The following APBB2 variants were observed in gnomAD, a reference collection of about 807,000 sequenced individuals.
APBB2 encodes the protein Fe65-like 1.
Under a neutral mutation model 82.5 loss-of-function variants are expected in APBB2, and 38 were observed. That is an observed-to-expected ratio of 0.46 (90% CI 0.36 to 0.60). The LOEUF (loss-of-function observed/expected upper bound fraction) is 0.60. Ranked by LOEUF, APBB2 falls within the 20% of genes least tolerant of loss-of-function variation. The pLI is 0.00. For missense variants in APBB2, 772 were observed against 972.3 expected, an observed-to-expected ratio of 0.79 and a Z score of 2.74; for synonymous variants, 341 against 368.2, an observed-to-expected ratio of 0.93 and a Z score of 0.85.
chr4:40,972,298 G>C (rs1260299858), intron 6 of APBB2, among the ~76,000 whole-genome samples: 1 of 151,946 alleles, frequency 6.6e-6, no homozygotes, highest in Non-Finnish European at 1.5e-5. Flanking sequence ...CGTGGTGGCG[G>C]GCGCCTGTAA....
intron 3 of APBB2, among the ~76,000 whole-genome samples, chr4:41,075,565 A>G (rs1242530314): frequency 1.3e-5 from 2 of 152,238 alleles, no homozygotes; most frequent in Non-Finnish European, 1.5e-5. Flanking sequence ...CCTATAGAAC[A>G]CAACTGGGAC....
At chr4:41,146,699 A>C (rs188246996) in intron 1 of APBB2, among the ~76,000 whole-genome samples, 5 of 152,170 alleles carry the variant, frequency 3.3e-5, no homozygotes, top group Admixed American at 3.3e-4. Context: ...GAAACCCAGG[A>C]GTCTCACAAA....
In APBB2 at chr4:41,098,442, CAA is replaced by C. The variant is rs35107170; in HGVS notation, c.-149+2195_-149+2196del. Among the ~76,000 whole-genome samples, 3 of 152,144 alleles carry C rather than the reference CAA, an allele frequency of 2.0e-5. No homozygotes were observed. The East Asian group carries it at 5.8e-4, about 29-fold the overall frequency. ...AAGCAATCATCCCACCTCTGCCCCC[CAA>C]AAGTGTTGGGATTACAGGAGTGAGC... On this transcript the variant is annotated intron_variant, in intron 3 of 17. Transcript: ENST00000508593.
chr4:40,906,489 G>GAAAAAAAAAAAAAAAAAAAAAAAAAAAC (rs1776782980), intron 10 of APBB2, among the ~76,000 whole-genome samples: 1 of 122,490 alleles, frequency 8.2e-6, no homozygotes, highest in Non-Finnish European at 1.7e-5. Context: ...AAAAAAAAAA[G>GAAAAAAAAAAAAAAAAAAAAAAAAAAAC]AAAAGAAAAG....
intron 10 of APBB2, among the ~76,000 whole-genome samples, chr4:40,923,737 C>CG (rs1477878802): frequency 1.3e-5 from 2 of 152,196 alleles, no homozygotes; most frequent in Non-Finnish European, 1.5e-5. Context: ...CATCAGAGGG[C>CG]GCAGCTGCCA....
chr4:40,859,500 C>T (rs562989534), intron 12 of APBB2, among the ~76,000 whole-genome samples: 2 of 152,188 alleles, frequency 1.3e-5, no homozygotes, highest in South Asian at 2.1e-4. Context: ...CCACCGCACC[C>T]GGCCTGCAGT....
intron 4 of APBB2, among the ~76,000 whole-genome samples, chr4:41,053,343 A>G (rs1208348595): frequency 2.0e-5 from 3 of 152,094 alleles, no homozygotes; most frequent in African/African-American, 7.2e-5. Flanking sequence ...TTCCATGTGG[A>G]AAGTAATCCT....
At chr4:40,978,048 C>T (rs1203880295) in intron 6 of APBB2, among the ~76,000 whole-genome samples, 1 of 152,182 alleles carries the variant, frequency 6.6e-6, no homozygotes. Flanking sequence ...CAACAAGGTG[C>T]TCATATAGAA....
At chr4:41,049,131 GA>G (rs1724665074) in intron 4 of APBB2, among the ~76,000 whole-genome samples, 1 of 150,568 alleles carries the variant, frequency 6.6e-6, no homozygotes, top group Non-Finnish European at 1.5e-5. Flanking sequence ...CCCATCGTCT[GA>G]GATGTGAGGA....
At chr4:41,115,612 TA>T (rs1750711754) in intron 2 of APBB2, among the ~76,000 whole-genome samples, 1 of 151,896 alleles carries the variant, frequency 6.6e-6, no homozygotes, top group South Asian at 2.1e-4. Context: ...ACAAGGAGCT[TA>T]AAAAAATTTC....
At chr4:41,107,443 G>A (rs1747664112) in intron 2 of APBB2, among the ~76,000 whole-genome samples, 1 of 152,106 alleles carries the variant, frequency 6.6e-6, no homozygotes, top group African/African-American at 2.4e-5. Context: ...AATATCAAAG[G>A]GAGAGCAGAA....
intron 12 of APBB2, among the ~76,000 whole-genome samples, chr4:40,839,297 C>A (rs909180740): frequency 6.6e-6 from 1 of 151,858 alleles, no homozygotes; most frequent in Non-Finnish European, 1.5e-5. Context: ...GTAACTTCTG[C>A]TTGTAGGATC....
chr4:41,045,498 T>TA (rs1723080298), intron 4 of APBB2, among the ~76,000 whole-genome samples: 1 of 152,100 alleles, frequency 6.6e-6, no homozygotes, highest in Non-Finnish European at 1.5e-5. Flanking sequence ...TTCACCGCGT[T>TA]AGCCAGGATA....
At chr4:40,901,942 T>A (rs1560840051) in intron 10 of APBB2, among the ~76,000 whole-genome samples, 1 of 148,992 alleles carries the variant, frequency 6.7e-6, no homozygotes, top group Non-Finnish European at 1.5e-5. Flanking sequence ...TGTGTGTGTG[T>A]GATGGAAAGA....
chr4:40,822,002 T>C lies in APBB2; in HGVS notation c.1981A>G (p.Met661Val), dbSNP rs766403895. 3.1e-6 allele frequency: 5 copies of C among 1,613,982 alleles called. No homozygotes were observed. Among genetic ancestry groups the C allele is most frequent in the African/African-American group, 1.3e-5 (1 of 74,874 alleles). ...GTGTGGACGTCCTTCCCAACACCCA[T>C]GAAGGACAGGAATCGCACACGACAT... ...VECRVRFLSFMGVGKDVHTFA... is the reference protein window; with the variant it reads ...VECRVRFLSFVGVGKDVHTFA... Residue 661 changes from methionine (M) to valine (V), a missense_variant, in exon 17 of 18, where the codon ATG (methionine) becomes GTG (valine). Met to Val is a conservative substitution (Grantham distance 21). Coordinates refer to ENST00000508593, the MANE Select transcript of APBB2 (RefSeq NM_004307.2).
intron 10 of APBB2, among the ~76,000 whole-genome samples, chr4:40,928,154 TAG>T (rs1429595329): frequency 1.3e-5 from 2 of 152,174 alleles, no homozygotes; most frequent in African/African-American, 4.8e-5. Flanking sequence ...GCCTTGGATA[TAG>T]AAAGTTTTAA....
At chr4:40,900,147 C>A (rs777494653) in intron 10 of APBB2, among the ~76,000 whole-genome samples, 6 of 152,284 alleles carry the variant, frequency 3.9e-5, no homozygotes, top group East Asian at 3.9e-4. Context: ...CAAATGTAAT[C>A]CTAATTAACA....
chr4:41,159,061 C>T (rs1034410382), intron 1 of APBB2, among the ~76,000 whole-genome samples: 1 of 152,158 alleles, frequency 6.6e-6, no homozygotes, highest in African/African-American at 2.4e-5. Flanking sequence ...TCAGGTTGTA[C>T]TGAACCACAA....
chr4:40,910,193 C>T (rs916713973), intron 10 of APBB2, among the ~76,000 whole-genome samples: 12 of 150,540 alleles, frequency 8.0e-5, no homozygotes, highest in African/African-American at 2.2e-4. Flanking sequence ...GCCTCGAACT[C>T]CTGACTTCAG....
Sources: allele counts gnomAD v4.1 joint callset (sites outside exome capture counted in the v4.1 genomes callset), GRCh38; gene constraint gnomAD v4.1.1; transcripts MANE v1.5; gene names NCBI Gene and HGNC (gene_info 2026-07-23, HGNC 2026-07-21).